The following FTO variants were observed in gnomAD, a reference collection of about 807,000 sequenced individuals.
FTO encodes FTO alpha-ketoglutarate dependent dioxygenase.
FTO carries 47 observed loss-of-function variants against 63.9 expected under a neutral mutation model. The observed-to-expected ratio is 0.74, with a 90% CI of 0.58 to 0.94. The LOEUF is 0.94. Among genes scored for constraint, FTO ranks in the 40% least tolerant of loss-of-function variants. The pLI is 0.00. For synonymous variants in FTO, 207 were observed against 224.4 expected, an observed-to-expected ratio of 0.92 and a Z score of 0.69; for missense variants, 562 against 618.1, an observed-to-expected ratio of 0.91 and a Z score of 0.96.
rs970217524 is a variant in FTO, at chr16:53,810,172, T to C, written c.78T>C (p.Thr26=). ...KLRLLEELED[T]WLPYLTPKDD... is the part of the protein sequence containing the mutation. ...GGCTTCTTGAAGAGCTTGAAGACAC[T>C]TGGCTCCCTTATCTGACCCCCAAAG... is the stretch of plus-strand genomic sequence containing the variant. Residue 26 remains threonine, a synonymous_variant, in exon 2 of 9, where the codon ACT becomes ACC. Transcript: ENST00000471389. 40 of 1,611,740 alleles carry C rather than the reference T, an allele frequency of 2.5e-5. No individual in the cohort carries two copies. Among genetic ancestry groups the C allele is most frequent in the Non-Finnish European group, 3.1e-5 (36 of 1,178,494 alleles).
At chr16:53,778,916 C>A (rs73612012) in intron 1 of FTO, among the ~76,000 whole-genome samples, 1 of 150,548 alleles carries the variant, frequency 6.6e-6, no homozygotes, top group Admixed American at 6.6e-5. Flanking sequence ...TGACAAGTGC[C>A]GCAGAGATCA....
At chr16:53,844,771 C>G (rs189512095) in intron 4 of FTO, among the ~76,000 whole-genome samples, 1 of 60,506 alleles carries the variant, frequency 1.7e-5, no homozygotes, top group South Asian at 7.2e-4. Flanking sequence ...AGTTGTTTTT[C>G]TTTTTATTCT....
chr16:53,928,645 TAA>T (rs899867394), intron 7 of FTO, among the ~76,000 whole-genome samples: 2 of 152,328 alleles, frequency 1.3e-5, no homozygotes, highest in Admixed American at 1.3e-4. Context: ...TTTTTGTCGT[TAA>T]GTTATATTTC....
chr16:53,737,544 T>C (rs1355118320), intron 1 of FTO, among the ~76,000 whole-genome samples: 5 of 152,208 alleles, frequency 3.3e-5, no homozygotes, highest in Non-Finnish European at 7.3e-5. Flanking sequence ...GCAGTCAAAA[T>C]ACATTATTGT....
In FTO at chr16:53,964,506, A is replaced by C. The variant is rs550058009; in HGVS notation, c.1364+30397A>C. Among the ~76,000 whole-genome samples the C allele has an allele frequency of 1.7e-4, 26 of 152,314 alleles. 1 individual carries two copies. In the South Asian group the frequency reaches 5.2e-3, roughly 30 times the overall value. ...GGTGAGAGAGATGTTCTCTCAGCAGAACTTGAAACCATTTTCATTGGCTGG... is the reference window on the plus strand; with the variant it reads ...GGTGAGAGAGATGTTCTCTCAGCAGCACTTGAAACCATTTTCATTGGCTGG... On this transcript the variant is annotated intron_variant, in intron 8 of 8. Transcript: ENST00000471389.
intron 8 of FTO, among the ~76,000 whole-genome samples, chr16:53,934,870 A>C (rs1184465889): frequency 6.6e-6 from 1 of 152,216 alleles, no homozygotes; most frequent in East Asian, 1.9e-4. Flanking sequence ...TAGCCTATTT[A>C]TCAACCCGAT....
intron 8 of FTO, among the ~76,000 whole-genome samples, chr16:54,011,547 T>C (rs189307699): frequency 0.017 from 2,536 of 152,318 alleles, 44 homozygotes; most frequent in Non-Finnish European, 0.026. Context: ...TCTTGTGTTT[T>C]GGAGATGGTA....
chr16:53,915,240 T>C (rs1432775831), intron 7 of FTO, among the ~76,000 whole-genome samples: 2 of 152,234 alleles, frequency 1.3e-5, no homozygotes, highest in Non-Finnish European at 2.9e-5. Context: ...CTGCTTAATG[T>C]CTCTGAAGTG....
chr16:53,895,456 CCGT>C (rs2081257776), intron 7 of FTO, among the ~76,000 whole-genome samples: 1 of 152,160 alleles, frequency 6.6e-6, no homozygotes, highest in South Asian at 2.1e-4. Flanking sequence ...ATTTTAGAAA[CCGT>C]CTGATAGTGT....
intron 8 of FTO, chr16:54,072,434 G>A (rs1314799476): frequency 6.6e-6 from 1 of 152,172 alleles, no homozygotes; most frequent in Non-Finnish European, 1.5e-5. Flanking sequence ...AGGCATCAGC[G>A]GTGGCTCACT....
intron 8 of FTO, among the ~76,000 whole-genome samples, chr16:54,048,388 A>G (rs2085235055): frequency 6.6e-6 from 1 of 152,002 alleles, no homozygotes; most frequent in Non-Finnish European, 1.5e-5. Flanking sequence ...GGGAAGCTGT[A>G]ATCATGTGCT....
At chr16:53,904,426 G>A (rs7193118) in intron 7 of FTO, among the ~76,000 whole-genome samples, 7,181 of 152,150 alleles carry the variant, frequency 0.047, 551 homozygotes, top group African/African-American at 0.16. Context: ...TACATATAGC[G>A]GTTCCCATGA....
At chr16:53,836,111 G>A (rs1240268956) in intron 3 of FTO, among the ~76,000 whole-genome samples, 2 of 152,024 alleles carry the variant, frequency 1.3e-5, no homozygotes, top group African/African-American at 4.8e-5. Flanking sequence ...GGCTGGTCTC[G>A]AATTCCTGAC....
At position 53,826,178 on chromosome 16, in the gene FTO, G is replaced by T. The variant is rs898600039; in HGVS notation, c.438G>T (p.Leu146=). Reference sequence around the variant, plus strand: ...CCTTCCTCAAGCTCAATGACTACCTGCAGATAGAAACCATCCAGGCTTTGG... The same window carrying T: ...CCTTCCTCAAGCTCAATGACTACCTTCAGATAGAAACCATCCAGGCTTTGG... The part of the protein sequence containing the change: ...CETFLKLNDY[L]QIETIQALEE... The change falls in exon 3 of 9, where the codon CTG becomes CTT. Residue 146 remains leucine (L), a synonymous_variant. Coordinates refer to ENST00000471389, the MANE Select transcript of FTO (RefSeq NM_001080432.3). 1.4e-5 allele frequency: 23 copies of T among 1,614,024 alleles called. No homozygotes were observed. The African/African-American group carries it at 2.8e-4, about 20-fold the overall frequency.
chr16:54,101,517 C>T (rs753257803), intron 8 of FTO, among the ~76,000 whole-genome samples: 10 of 152,040 alleles, frequency 6.6e-5, no homozygotes, highest in Non-Finnish European at 1.5e-4. Flanking sequence ...TTTTTTATGG[C>T]TTTATTGTAT....
At chr16:53,844,049 T>C (rs2079548552) in intron 3 of FTO, 106 bp from the exon 4 acceptor site, 1 of 831,894 alleles carries the variant, frequency 1.2e-6, no homozygotes, top group East Asian at 2.7e-5. Flanking sequence ...TTTCATTTAA[T>C]ATTCATATTT....
At chr16:53,841,444 ACTGTTAAT>A (rs1468591145) in intron 3 of FTO, among the ~76,000 whole-genome samples, 1 of 152,176 alleles carries the variant, frequency 6.6e-6, no homozygotes, top group Non-Finnish European at 1.5e-5. Flanking sequence ...AAGGTAAGAT[ACTGTTAAT>A]ATGGCAGTGT....
chr16:53,764,692 A>G (rs976599997), intron 1 of FTO, among the ~76,000 whole-genome samples: 2 of 152,088 alleles, frequency 1.3e-5, no homozygotes, highest in Non-Finnish European at 2.9e-5. Context: ...TTGATCCAAT[A>G]TAGGGCAAAT....
intron 4 of FTO, among the ~76,000 whole-genome samples, chr16:53,856,936 A>G (rs2080017891): frequency 6.6e-6 from 1 of 152,140 alleles, no homozygotes. Context: ...CTACCCCCTC[A>G]TCTAGGTATG....
Sources: gnomAD v4.1 joint callset for allele counts (sites outside exome capture counted in the v4.1 genomes callset) on GRCh38, gnomAD v4.1.1 for gene constraint, MANE v1.5 for transcripts, NCBI Gene and HGNC (gene_info 2026-07-23, HGNC 2026-07-21) for gene names.